Variants in DCLK2 observed in about 807,000 individuals in gnomAD.
The protein encoded by DCLK2 is doublecortin like kinase 2.
In DCLK2, 31 loss-of-function variants were observed where a neutral mutation model predicts 78.4. The observed-to-expected ratio is 0.40, with a 90% CI of 0.30 to 0.53. DCLK2 has a LOEUF of 0.53. Ranked by LOEUF, DCLK2 falls within the 20% of genes least tolerant of loss-of-function variation. DCLK2 has a pLI of 0.61. For synonymous variants in DCLK2, 407 were observed against 374.9 expected (o/e 1.09, Z -0.99); for missense variants, 872 against 973.7 (o/e 0.90, Z 1.39).
chr4:150,250,647 C>T (rs1390856861), intron 15 of DCLK2, among the ~76,000 whole-genome samples: 1 of 151,778 alleles, frequency 6.6e-6, no homozygotes, highest in African/African-American at 2.4e-5. Flanking sequence ...CCACTGAGTC[C>T]TGACAGCTAA....
chr4:150,167,038 C>T (rs1027329381), intron 2 of DCLK2, among the ~76,000 whole-genome samples: 1 of 152,174 alleles, frequency 6.6e-6, no homozygotes, highest in African/African-American at 2.4e-5. Context: ...GAGGCACTTA[C>T]TGGGGTGGGG....
At chr4:150,236,196 T>C (rs1342488893) in intron 10 of DCLK2, among the ~76,000 whole-genome samples, 1 of 151,860 alleles carries the variant, frequency 6.6e-6, no homozygotes, top group Non-Finnish European at 1.5e-5. Flanking sequence ...TCACAGCTTG[T>C]GGTGGGGCGT....
intron 12 of DCLK2, among the ~76,000 whole-genome samples, chr4:150,241,025 C>A (rs1175695380): frequency 1.2e-4 from 19 of 152,204 alleles, no homozygotes; most frequent in Non-Finnish European, 2.5e-4. Context: ...CAGTCCGAAT[C>A]CTTCCAGGTA....
intron 2 of DCLK2, among the ~76,000 whole-genome samples, chr4:150,172,496 A>C (rs930814419): frequency 4.0e-5 from 6 of 150,736 alleles, no homozygotes; most frequent in Admixed American, 2.0e-4. Context: ...AGTCTTAGCT[A>C]CTCAGGAGGC....
At chr4:150,190,255 A>T (rs55675485) in intron 2 of DCLK2, among the ~76,000 whole-genome samples, 4 of 98,016 alleles carry the variant, frequency 4.1e-5, no homozygotes, top group African/African-American at 1.2e-4. Context: ...AGATAGATAG[A>T]TAGATAGATA....
At chr4:150,158,497 G>T (rs1355133421) in intron 2 of DCLK2, among the ~76,000 whole-genome samples, 7 of 152,166 alleles carry the variant, frequency 4.6e-5, no homozygotes, top group Non-Finnish European at 8.8e-5. Context: ...ATTGATAAAG[G>T]TTACTCTCTA....
At position 150,130,826 on chromosome 4, in the gene DCLK2, G is replaced by A. The variant is rs74484079; in HGVS notation, c.756+28014G>A. Among the ~76,000 whole-genome samples the A allele has an allele frequency of 5.4e-3, 828 of 152,038 alleles. 8 individuals carry two copies. Among genetic ancestry groups the A allele is most frequent in the African/African-American group, 0.019 (771 of 41,430 alleles). ...GCAAGATCTCTAACCTTGGACCACC[G>A]AAACTGGAGATCACTGAGAGCAATA... On this transcript the variant is annotated intron_variant, in intron 2 of 15. Coordinates refer to ENST00000296550, the MANE Select transcript of DCLK2 (RefSeq NM_001040260.4).
At chr4:150,220,512 A>G (rs1473268901) in intron 5 of DCLK2, among the ~76,000 whole-genome samples, 191 bp from the exon 6 acceptor site, 1 of 152,232 alleles carries the variant, frequency 6.6e-6, no homozygotes, top group African/African-American at 2.4e-5. Context: ...TCTAATCTGA[A>G]TGAAATATCT....
chr4:150,199,223 T>C, intron 4 of DCLK2: 1 of 725,758 alleles, frequency 1.4e-6, no homozygotes, highest in Non-Finnish European at 2.3e-6. Flanking sequence ...TGCTTTGCAT[T>C]GCACAAGACA....
intron 12 of DCLK2, among the ~76,000 whole-genome samples, chr4:150,246,490 A>T (rs1190095092): frequency 6.6e-6 from 1 of 152,206 alleles, no homozygotes; most frequent in Non-Finnish European, 1.5e-5. Flanking sequence ...GGTTGGTAGC[A>T]AAACCCTGAA....
intron 2 of DCLK2, among the ~76,000 whole-genome samples, chr4:150,157,198 G>A (rs1475084120): frequency 5.4e-5 from 8 of 149,200 alleles, no homozygotes; most frequent in Middle Eastern, 3.4e-3. Context: ...TGTCCTTTAA[G>A]GAGGAAAATT....
intron 2 of DCLK2, among the ~76,000 whole-genome samples, chr4:150,147,863 T>C (rs1408061705): frequency 6.6e-6 from 1 of 152,094 alleles, no homozygotes; most frequent in Non-Finnish European, 1.5e-5. Context: ...AATTGAAATA[T>C]CAATCTGGGC....
At chr4:150,175,082 T>A (rs28779770) in intron 2 of DCLK2, among the ~76,000 whole-genome samples, 1 of 18,678 alleles carries the variant, frequency 5.4e-5, no homozygotes, top group Admixed American at 6.7e-4. Flanking sequence ...ATTTATATAT[T>A]TATATATATA....
At chr4:150,195,975 A>C (rs1739001308) in intron 3 of DCLK2, among the ~76,000 whole-genome samples, 1 of 152,146 alleles carries the variant, frequency 6.6e-6, no homozygotes, top group Non-Finnish European at 1.5e-5. Context: ...TTACACCAAC[A>C]CCATTATGTG....
intron 2 of DCLK2, among the ~76,000 whole-genome samples, chr4:150,145,059 T>C (rs900910489): frequency 1.3e-5 from 2 of 152,252 alleles, no homozygotes; most frequent in African/African-American, 4.8e-5. Flanking sequence ...CTGTTTTGTT[T>C]TCTCCCTGTA....
intron 5 of DCLK2, among the ~76,000 whole-genome samples, chr4:150,204,940 A>G (rs1398829360): frequency 1.3e-5 from 2 of 152,048 alleles, no homozygotes; most frequent in African/African-American, 2.4e-5. Flanking sequence ...GGTTGTCTAC[A>G]TGGTAATGAA....
At chr4:150,135,678 C>G (rs1026723541) in intron 2 of DCLK2, among the ~76,000 whole-genome samples, 2 of 152,222 alleles carry the variant, frequency 1.3e-5, no homozygotes, top group African/African-American at 4.8e-5. Context: ...ATCTGTCTCA[C>G]AAACTTGAAT....
At chr4:150,202,355 T>A (rs1284600222) in intron 4 of DCLK2, among the ~76,000 whole-genome samples, 1 of 152,240 alleles carries the variant, frequency 6.6e-6, no homozygotes, top group Admixed American at 6.5e-5. Context: ...AAAATCTAGA[T>A]CACTGACCAT....
chr4:150,135,826 A>G (rs1307711740), intron 2 of DCLK2, among the ~76,000 whole-genome samples: 1 of 152,228 alleles, frequency 6.6e-6, no homozygotes, highest in Non-Finnish European at 1.5e-5. Context: ...AAATGAGGAA[A>G]TAGCTGATGT....
Sources: gnomAD v4.1 joint callset for allele counts (sites outside exome capture counted in the v4.1 genomes callset) on GRCh38, gnomAD v4.1.1 for gene constraint, MANE v1.5 for transcripts, NCBI Gene and HGNC (gene_info 2026-07-23, HGNC 2026-07-21) for gene names.